RBFOX1: variants seen among roughly 807,000 people sequenced by gnomAD.
RBFOX1 encodes RNA binding protein fox-1 homolog 1.
Under a neutral mutation model 57.7 loss-of-function variants are expected in RBFOX1, and 8 were observed. The observed-to-expected ratio is 0.14, with a 90% CI of 0.08 to 0.25. The LOEUF is 0.25. Among genes scored for constraint, RBFOX1 ranks in the 10% least tolerant of loss-of-function variants. The pLI is 1.00. For missense variants in RBFOX1, 611 were observed against 548.5 expected (o/e 1.11, Z -1.14); for synonymous variants, 326 against 222.4 (o/e 1.47, Z -4.15).
rs532493754 is a variant in RBFOX1 at position 6,785,890 on chromosome 16, G to A, written c.-16+131240G>A. Reference sequence around the variant, plus strand: ...AAACTGATGCTGCTCCTCAGGCTCCGCTTAGCATTTACAAAAAATGGCACT... The same window carrying A: ...AAACTGATGCTGCTCCTCAGGCTCCACTTAGCATTTACAAAAAATGGCACT... On this transcript the variant is annotated intron_variant, in intron 3 of 15. Coordinates refer to ENST00000550418, the MANE Select transcript of RBFOX1 (RefSeq NM_018723.4). 5.3e-5 allele frequency among the ~76,000 whole-genome samples: 8 copies of A among 152,254 alleles called. No individual in the cohort carries two copies. In the South Asian group the frequency reaches 6.2e-4, roughly 12 times the overall value.
intron 6 of RBFOX1, among the ~76,000 whole-genome samples, chr16:7,585,154 A>C (rs1034648252): frequency 6.6e-6 from 1 of 152,182 alleles, no homozygotes; most frequent in African/African-American, 2.4e-5. Flanking sequence ...GCGTCTGTGG[A>C]GACTGAATAT....
At chr16:6,536,828 G>A (rs2096741983) in intron 2 of RBFOX1, among the ~76,000 whole-genome samples, 1 of 152,154 alleles carries the variant, frequency 6.6e-6, no homozygotes, top group African/African-American at 2.4e-5. Flanking sequence ...GTGCATTCCT[G>A]TGGCTTATTT....
chr16:6,446,482 G>T (rs559408663), intron 2 of RBFOX1, among the ~76,000 whole-genome samples: 2 of 152,242 alleles, frequency 1.3e-5, no homozygotes, highest in African/African-American at 2.4e-5. Flanking sequence ...ACATAGAAGG[G>T]ACCAGGAGTT....
At chr16:6,782,812 C>G (rs187352749) in intron 3 of RBFOX1, among the ~76,000 whole-genome samples, 2 of 152,142 alleles carry the variant, frequency 1.3e-5, no homozygotes, top group Non-Finnish European at 2.9e-5. Context: ...TTGTCCAATG[C>G]TGAAAGTGGT....
chr16:5,590,495 A>G (rs2046971471), intron 2 of RBFOX1, among the ~76,000 whole-genome samples: 1 of 152,162 alleles, frequency 6.6e-6, no homozygotes. Context: ...CAGAATGGGC[A>G]GGGGAAGCCT....
Position 6,420,252 on chromosome 16 carries a change from C to T in RBFOX1, c.-64+103195C>T. Among the ~76,000 whole-genome samples the T allele has an allele frequency of 1.3e-5, 2 of 152,086 alleles. 1 individual carries two copies. Among genetic ancestry groups the T allele is most frequent in the East Asian group, 3.9e-4 (2 of 5,178 alleles). ...AGCAAAATTATAGATGCAGTAATTT[C>T]TCATATATGTTAAAAATGCACAGTA... is the stretch of plus-strand genomic sequence containing the variant. On this transcript the variant is annotated intron_variant, in intron 2 of 15. Transcript: ENST00000550418.
intron 4 of RBFOX1, among the ~76,000 whole-genome samples, chr16:7,442,522 G>A (rs575040059): frequency 6.6e-5 from 10 of 152,242 alleles, no homozygotes; most frequent in East Asian, 1.9e-4. Context: ...TGAGGAGGCC[G>A]CAAACTGCTT....
At chr16:6,287,647 C>T (rs1025990253) in intron 1 of RBFOX1, among the ~76,000 whole-genome samples, 1 of 152,102 alleles carries the variant, frequency 6.6e-6, no homozygotes, top group Non-Finnish European at 1.5e-5. Context: ...GAAAATCTTG[C>T]AGATCGCCAG....
intron 2 of RBFOX1, among the ~76,000 whole-genome samples, chr16:6,431,494 G>A (rs978969666): frequency 1.3e-5 from 2 of 152,064 alleles, no homozygotes; most frequent in South Asian, 4.2e-4. Context: ...CCAGGTATCT[G>A]AGTAAATGTC....
chr16:5,370,867 A>G (rs560453744), intron 1 of RBFOX1, among the ~76,000 whole-genome samples: 17 of 152,246 alleles, frequency 1.1e-4, no homozygotes, highest in African/African-American at 3.6e-4. Context: ...ATGACTCCCC[A>G]GGATCAAGAC....
intron 5 of RBFOX1, among the ~76,000 whole-genome samples, chr16:7,543,122 C>T (rs1352654164): frequency 3.3e-5 from 5 of 152,200 alleles, no homozygotes; most frequent in Admixed American, 2.6e-4. Flanking sequence ...ACTGTTTCTG[C>T]ACCCCGCCAT....
At chr16:5,917,654 G>A (rs1440583020) in intron 4 of RBFOX1, among the ~76,000 whole-genome samples, 7 of 152,124 alleles carry the variant, frequency 4.6e-5, no homozygotes, top group South Asian at 2.1e-4. Flanking sequence ...GTGTCAGCAC[G>A]GAAATGGTTA....
At chr16:7,630,568 C>T in intron 10 of RBFOX1, 35 bp from the exon 11 acceptor site, 1 of 1,613,048 alleles carries the variant, frequency 6.2e-7, no homozygotes, top group Non-Finnish European at 8.5e-7. Context: ...GTACCGATTC[C>T]CAAACCAGAT....
chr16:6,133,568 C>A (rs887225179), intron 1 of RBFOX1, among the ~76,000 whole-genome samples: 1 of 152,204 alleles, frequency 6.6e-6, no homozygotes, highest in Non-Finnish European at 1.5e-5. Flanking sequence ...AGTTCTTTCA[C>A]TGAAGTCAGG....
At chr16:7,251,423 T>A (rs1288731203) in intron 4 of RBFOX1, among the ~76,000 whole-genome samples, 2 of 142,742 alleles carry the variant, frequency 1.4e-5, no homozygotes, top group Admixed American at 1.4e-4. Context: ...TTTTTTTTTC[T>A]GTGGGGGATG....
chr16:6,762,017 T>A (rs1293742638), intron 3 of RBFOX1, among the ~76,000 whole-genome samples: 2 of 152,098 alleles, frequency 1.3e-5, no homozygotes, highest in Non-Finnish European at 2.9e-5. Flanking sequence ...ACTCTACAGG[T>A]GCTAAGATGA....
intron 2 of RBFOX1, among the ~76,000 whole-genome samples, chr16:6,497,578 CAG>C (rs770349624): frequency 1.3e-4 from 19 of 147,418 alleles, no homozygotes; most frequent in Non-Finnish European, 2.7e-4. Context: ...AAAAAAAAAA[CAG>C]AGTTTTGCTC....
chr16:6,487,850 T>A (rs894918440), intron 2 of RBFOX1, among the ~76,000 whole-genome samples: 2 of 150,858 alleles, frequency 1.3e-5, no homozygotes, highest in Non-Finnish European at 3.0e-5. Flanking sequence ...ATGAGCCAAA[T>A]CTCTCCCTGT....
intron 2 of RBFOX1, among the ~76,000 whole-genome samples, chr16:5,567,413 C>T (rs2046110702): frequency 6.6e-6 from 1 of 152,114 alleles, no homozygotes; most frequent in Non-Finnish European, 1.5e-5. Flanking sequence ...CTGAACACAG[C>T]CAATCTCTCT....
Sources: gnomAD v4.1 joint callset for allele counts (sites outside exome capture counted in the v4.1 genomes callset) on GRCh38, gnomAD v4.1.1 for gene constraint, MANE v1.5 for transcripts, NCBI Gene and HGNC (gene_info 2026-07-23, HGNC 2026-07-21) for gene names.